The following TXNRD3 variants were observed in gnomAD, a reference collection of about 807,000 sequenced individuals.
TXNRD3 encodes the protein thioredoxin reductase 3, also known as TXNRD3 neighbor gene protein.
A neutral mutation model predicts 78.2 loss-of-function variants in TXNRD3; 68 were observed. That is an observed-to-expected ratio of 0.87 (90% CI 0.72 to 1.06). The LOEUF (loss-of-function observed/expected upper bound fraction) is 1.06, where lower values mean the gene tolerates loss of function less well. Among genes scored for constraint, TXNRD3 ranks in the 50% least tolerant of loss-of-function variants. TXNRD3 has a pLI of 0.00. For synonymous variants in TXNRD3, 296 were observed against 300.1 expected (o/e 0.99, Z 0.14); for missense variants, 751 against 809.5 (o/e 0.93, Z 0.88).
intron 10 of TXNRD3, among the ~76,000 whole-genome samples, chr3:126,627,093 A>G (rs973143424): frequency 2.0e-5 from 3 of 152,274 alleles, no homozygotes; most frequent in East Asian, 1.9e-4. Context: ...CTCTCTCTAT[A>G]TATCTCTCCA....
chr3:126,607,924 T>C lies in TXNRD3; in HGVS notation c.1913A>G (p.Gln638Arg). 1 of 1,516,702 alleles carries C rather than the reference T, an allele frequency of 6.6e-7. No homozygotes were observed. The highest frequency in any genetic ancestry group is 1.4e-5 in the African/African-American group (1 of 72,918). The allele number at this position is 1,516,702 out of a possible 1,614,324, so 94.0% of individuals were successfully genotyped here. A position where few individuals can be genotyped will look rare whatever the true frequency, so the allele number is the denominator to read the frequency against. The change falls in exon 16 of 16, where the codon CAG becomes CGG. Residue 638 changes from glutamine (Q) to arginine (R), a missense_variant. Physicochemically the swap from Gln to Arg is conservative, Grantham distance 43. Coordinates refer to ENST00000524230, the MANE Select transcript of TXNRD3 (RefSeq NM_052883.3). ...GCAGGCCTAGCCTCAGCAGCCTTTC[T>C]GAGTGATGTCTAGTCCTGACGACTT...
At chr3:126,608,055 C>A in intron 15 of TXNRD3, 82 bp from the exon 16 acceptor site, 1 of 1,084,152 alleles carries the variant, frequency 9.2e-7, no homozygotes, top group Non-Finnish European at 1.3e-6. Flanking sequence ...TATATTTATG[C>A]TATTCTTTAA....
rs944183861 is a variant in TXNRD3, at chr3:126,641,004, T to C, written c.712+1028A>G. 9.2e-5 allele frequency among the ~76,000 whole-genome samples: 14 copies of C among 152,068 alleles called. 1 individual carries two copies. On this transcript the variant is annotated intron_variant, in intron 6 of 15. Transcript: ENST00000524230. ...AACTTGCCCAAAGGCCATCACAACC[T>C]AACATAAAAGTACATCTTCCAGGAC...
intron 10 of TXNRD3, among the ~76,000 whole-genome samples, chr3:126,624,474 G>A (rs915801829): frequency 3.2e-4 from 48 of 151,310 alleles, no homozygotes; most frequent in Admixed American, 5.3e-4. Context: ...AGGCTGGAGT[G>A]CAGTGGCGTG....
chr3:126,607,833 C>A lies in TXNRD3; in HGVS notation c.*72G>T. On this transcript the variant is annotated 3_prime_UTR_variant, in exon 16 of 16. Coordinates refer to ENST00000524230, the MANE Select transcript of TXNRD3 (RefSeq NM_052883.3). ...AGAGCAGCTGTCATGAGCACAGGCT[C>A]ATTTTATCCGAGAGCATTCTTATCT... 7.6e-7 allele frequency: 1 copy of A among 1,311,632 alleles called. No homozygotes were observed. 81.2% of individuals were successfully genotyped at this position (1,311,632 alleles called of 1,614,324 possible). A position where few individuals can be genotyped will look rare whatever the true frequency, so the allele number is the denominator to read the frequency against.
At chr3:126,618,986 C>T (rs1361824657) in intron 12 of TXNRD3, among the ~76,000 whole-genome samples, 1 of 151,576 alleles carries the variant, frequency 6.6e-6, no homozygotes, top group African/African-American at 2.4e-5. Context: ...CACTAATCAT[C>T]AGGAAAATGC....
intron 5 of TXNRD3, 93 bp downstream of exon 5, chr3:126,643,888 C>G: frequency 8.2e-7 from 1 of 1,216,014 alleles, no homozygotes. Context: ...GCGAGTTATA[C>G]CTCTTGAGAT....
At chr3:126,654,624 C>G in intron 1 of TXNRD3, 124 bp downstream of exon 1, 1 of 442,536 alleles carries the variant, frequency 2.3e-6, no homozygotes, top group Non-Finnish European at 3.4e-6. Context: ...AGAGGACGGA[C>G]GGCTGACCTC....
rs139384650 is a variant in TXNRD3, at chr3:126,646,162, G to A, written c.363C>T (p.Pro121=). 1 of 1,533,290 alleles carries A rather than the reference G, an allele frequency of 6.5e-7. No individual in the cohort carries two copies. The highest frequency in any genetic ancestry group is 8.7e-7 in the Non-Finnish European group (1 of 1,145,796). The allele number at this position is 1,533,290 out of a possible 1,614,324, so 95.0% of individuals were successfully genotyped here. A position where few individuals can be genotyped will look rare whatever the true frequency, so the allele number is the denominator to read the frequency against. Reference sequence around the variant, plus strand: ...CATGCACTTTATTCACGAAAATATTGGGCACAGTTTTCTGATTAGTGATTT... The same window carrying A: ...CATGCACTTTATTCACGAAAATATTAGGCACAGTTTTCTGATTAGTGATTT... Residue 121 remains proline, a synonymous_variant, in exon 3 of 16, where the codon CCC becomes CCT. Transcript: ENST00000524230.
At chr3:126,616,785 C>T (rs575806579) in intron 12 of TXNRD3, among the ~76,000 whole-genome samples, 21 of 152,328 alleles carry the variant, frequency 1.4e-4, no homozygotes, top group African/African-American at 4.6e-4. Context: ...AACACCACCA[C>T]GTATCCCCCA....
intron 1 of TXNRD3, among the ~76,000 whole-genome samples, chr3:126,650,411 G>GT (rs1559781024): frequency 1.8e-4 from 10 of 54,568 alleles, no homozygotes; most frequent in Admixed American, 5.0e-4. Context: ...GGGAGGCCAG[G>GT]CGGTGGATCA....
intron 1 of TXNRD3, among the ~76,000 whole-genome samples, chr3:126,653,621 C>A (rs1340637811): frequency 6.6e-6 from 1 of 152,250 alleles, no homozygotes; most frequent in African/African-American, 2.4e-5. Flanking sequence ...GGTATCACTA[C>A]TTGGAAACTC....
intron 12 of TXNRD3, among the ~76,000 whole-genome samples, chr3:126,618,307 C>CAAAATATA (rs1213536727): frequency 8.5e-5 from 13 of 152,174 alleles, no homozygotes; most frequent in African/African-American, 2.7e-4. Context: ...CATTACACTA[C>CAAAATATA]CTGATTTCAA....
chr3:126,630,155 C>T (rs981846442), intron 9 of TXNRD3, among the ~76,000 whole-genome samples: 12 of 152,218 alleles, frequency 7.9e-5, no homozygotes, highest in African/African-American at 1.9e-4. Context: ...CCAGTTTCAG[C>T]GCATGCTGCC....
In TXNRD3 at chr3:126,642,053, C is replaced by T; in HGVS notation, c.691G>A (p.Gly231Ser). The change falls in exon 6 of 16, where the codon GGC (glycine) becomes AGC (serine). Residue 231 changes from glycine to serine, a missense_variant. Coordinates refer to ENST00000524230, the MANE Select transcript of TXNRD3 (RefSeq NM_052883.3). ...TCACCTTGTTGATTATATTCCCAGC[C>T]AAATTTCCTTGAGTCACATAATGCC... 2 of 1,535,190 alleles carry T rather than the reference C, an allele frequency of 1.3e-6. No individual in the cohort carries two copies. Among genetic ancestry groups the T allele is most frequent in the Non-Finnish European group, 1.7e-6 (2 of 1,146,566 alleles).
chr3:126,618,614 G>A (rs1938368680), intron 12 of TXNRD3, among the ~76,000 whole-genome samples: 1 of 152,042 alleles, frequency 6.6e-6, no homozygotes, highest in African/African-American at 2.4e-5. Context: ...AAAACTACTA[G>A]AGGAAAACAG....
At chr3:126,641,992 T>C in intron 6 of TXNRD3, 40 bp downstream of exon 6, 3 of 1,476,606 alleles carry the variant, frequency 2.0e-6, no homozygotes, top group Non-Finnish European at 2.7e-6. Context: ...AACTCATTTT[T>C]TCTTTTCTCT....
intron 5 of TXNRD3, 119 bp downstream of exon 5, chr3:126,643,862 C>A: frequency 1.3e-5 from 13 of 976,498 alleles, no homozygotes; most frequent in East Asian, 2.7e-5. Flanking sequence ...CGCTTGTTTT[C>A]TTATCCAAGA....
intron 5 of TXNRD3, among the ~76,000 whole-genome samples, chr3:126,643,544 C>A (rs1370985099): frequency 6.6e-6 from 1 of 152,150 alleles, no homozygotes; most frequent in Non-Finnish European, 1.5e-5. Flanking sequence ...CGACACAGTA[C>A]ATACACTGTG....
Sources: allele counts gnomAD v4.1 joint callset (sites outside exome capture counted in the v4.1 genomes callset), GRCh38; gene constraint gnomAD v4.1.1; transcripts MANE v1.5; gene names NCBI Gene and HGNC (gene_info 2026-07-23, HGNC 2026-07-21).